The following DNAJC18 variants were observed in gnomAD, a reference collection of about 807,000 sequenced individuals.
DNAJC18 encodes dnaJ homolog subfamily C member 18.
DNAJC18 carries 40 observed loss-of-function variants against 48.6 expected under a neutral mutation model. The observed-to-expected ratio is 0.82, with a 90% CI of 0.64 to 1.07. The LOEUF is 1.07. DNAJC18 is among the 50% of genes least tolerant of loss of function. The probability of loss-of-function intolerance (pLI) is 0.00; values close to 1 mark genes in which losing one functional copy is unlikely to be tolerated. For synonymous variants in DNAJC18, 135 were observed against 152.2 expected, an observed-to-expected ratio of 0.89 and a Z score of 0.83; for missense variants, 340 against 427.7, an observed-to-expected ratio of 0.79 and a Z score of 1.81.
intron 2 of DNAJC18, among the ~76,000 whole-genome samples, chr5:139,435,705 G>GTTTTTTGTTTTTTTTTTTTTTT (rs1750628245): frequency 2.4e-5 from 1 of 41,194 alleles, no homozygotes; most frequent in Non-Finnish European, 3.8e-5. Context: ...TTCATTGGAA[G>GTTTTTTGTTTTTTTTTTTTTTT]TTTTTTTTTT....
At chr5:139,419,808 GAC>G (rs1434972485) in intron 7 of DNAJC18, among the ~76,000 whole-genome samples, 4 of 152,198 alleles carry the variant, frequency 2.6e-5, no homozygotes, top group Non-Finnish European at 4.4e-5. Flanking sequence ...CTCAAAGAGA[GAC>G]AGACATACAG....
At chr5:139,426,528 T>C (rs1417220965) in intron 3 of DNAJC18, among the ~76,000 whole-genome samples, 171 bp from the exon 4 acceptor site, 1 of 152,124 alleles carries the variant, frequency 6.6e-6, no homozygotes, top group African/African-American at 2.4e-5. Flanking sequence ...CCCTTCAGGT[T>C]TTCCCTGATC....
chr5:139,430,364 C>G lies in DNAJC18; in HGVS notation c.228-1681G>C, dbSNP rs78398534. ...AAGGGTCTTGGGGTTCCCCAACCAC[C>G]CTTTGAGAACTGCTGGATTAGAGAT... On this transcript the variant is annotated intron_variant, in intron 2 of 7. Transcript: ENST00000302060. Among the ~76,000 whole-genome samples the G allele has an allele frequency of 9.0e-3, 1,372 of 152,244 alleles. 47 individuals carry two copies. In the East Asian group the frequency reaches 0.1, roughly 12 times the overall value.
At chr5:139,433,302 G>T (rs1016548978) in intron 2 of DNAJC18, among the ~76,000 whole-genome samples, 1 of 152,150 alleles carries the variant, frequency 6.6e-6, no homozygotes, top group African/African-American at 2.4e-5. Context: ...AAATTAGCTG[G>T]GCATGATGGT....
At chr5:139,414,819 C>G (rs1340376175) in intron 7 of DNAJC18, among the ~76,000 whole-genome samples, 1 of 152,262 alleles carries the variant, frequency 6.6e-6, no homozygotes, top group Non-Finnish European at 1.5e-5. Flanking sequence ...ACTCAAAGGC[C>G]AAAGGCAGCT....
In DNAJC18 at chr5:139,411,064, T is replaced by A. The variant is rs987800570; in HGVS notation, c.*3084A>T. ...GATTACAGGCATGAGCTACTGGGCC[T>A]GGCCAGTTCACTGTATTTTCGAACA... is the stretch of plus-strand genomic sequence containing the variant. On this transcript the variant is annotated 3_prime_UTR_variant, in exon 8 of 8. Transcript: ENST00000302060. 1 of 152,242 alleles carries A rather than the reference T, an allele frequency of 6.6e-6. No individual in the cohort carries two copies. Among genetic ancestry groups the A allele is most frequent in the Admixed American group, 6.5e-5 (1 of 15,278 alleles). The allele number at this position is 152,242 out of a possible 1,614,324, so 9.4% of individuals were successfully genotyped here. A position where few individuals can be genotyped will look rare whatever the true frequency, so the allele number is the denominator to read the frequency against.
At chr5:139,419,542 G>A (rs974214585) in intron 7 of DNAJC18, among the ~76,000 whole-genome samples, 3 of 152,212 alleles carry the variant, frequency 2.0e-5, no homozygotes, top group Admixed American at 6.5e-5. Context: ...AGGCTGGCTC[G>A]ATCAGATTTC....
chr5:139,433,335 T>A (rs746107215), intron 2 of DNAJC18, among the ~76,000 whole-genome samples: 1 of 151,870 alleles, frequency 6.6e-6, no homozygotes, highest in Non-Finnish European at 1.5e-5. Context: ...TCCCAGCTAC[T>A]TGGGAGGCTG....
chr5:139,430,244 T>TCCA (rs1303169695), intron 2 of DNAJC18, among the ~76,000 whole-genome samples: 3 of 152,206 alleles, frequency 2.0e-5, no homozygotes, highest in African/African-American at 7.2e-5. Context: ...TCTCAAAAAC[T>TCCA]CCACTGTATA....
At chr5:139,434,779 G>A (rs565066437) in intron 2 of DNAJC18, among the ~76,000 whole-genome samples, 2 of 151,328 alleles carry the variant, frequency 1.3e-5, no homozygotes, top group Non-Finnish European at 2.9e-5. Context: ...TATTCATTAG[G>A]ATTTTCCATT....
chr5:139,435,126 C>A (rs889139461), intron 2 of DNAJC18, among the ~76,000 whole-genome samples: 1 of 151,940 alleles, frequency 6.6e-6, no homozygotes, highest in Non-Finnish European at 1.5e-5. Flanking sequence ...TTTGGGAGGC[C>A]GAGGCGGGCA....
chr5:139,437,721 A>G (rs570262781), intron 1 of DNAJC18, among the ~76,000 whole-genome samples, 163 bp from the exon 2 acceptor site: 78 of 152,300 alleles, frequency 5.1e-4, no homozygotes, highest in African/African-American at 1.7e-3. Context: ...ACAAAGCTGA[A>G]TAAACATGTT....
chr5:139,438,012 A>C (rs1750708971), intron 1 of DNAJC18, among the ~76,000 whole-genome samples: 2 of 152,190 alleles, frequency 1.3e-5, no homozygotes, highest in African/African-American at 4.8e-5. Context: ...ACAAATTCGT[A>C]AACTTTCTTA....
chr5:139,425,158 C>T (rs1418980997), intron 4 of DNAJC18, 44 bp from the exon 5 acceptor site: 1 of 1,532,440 alleles, frequency 6.5e-7, no homozygotes, highest in Non-Finnish European at 8.9e-7. Flanking sequence ...AACACTCCTT[C>T]CCTGCCTTTT....
At chr5:139,434,090 C>G (rs776438742) in intron 2 of DNAJC18, among the ~76,000 whole-genome samples, 1 of 152,110 alleles carries the variant, frequency 6.6e-6, no homozygotes, top group Non-Finnish European at 1.5e-5. Context: ...GGAGTTTTGC[C>G]GTGTTGCCCA....
intron 2 of DNAJC18, among the ~76,000 whole-genome samples, chr5:139,435,219 G>A (rs772743364): frequency 2.6e-4 from 40 of 152,228 alleles, no homozygotes; most frequent in Admixed American, 8.5e-4. Flanking sequence ...TAGGCATGGT[G>A]GTGCGCGTCT....
At chr5:139,420,938 T>G (rs1759142569) in intron 6 of DNAJC18, among the ~76,000 whole-genome samples, 1 of 152,176 alleles carries the variant, frequency 6.6e-6, no homozygotes. Context: ...GGGGCTATAT[T>G]TTATTTGGCC....
intron 5 of DNAJC18, 37 bp from the exon 6 acceptor site, chr5:139,422,854 G>GT: frequency 2.1e-6 from 3 of 1,455,316 alleles, no homozygotes; most frequent in South Asian, 2.5e-5. Flanking sequence ...TGCTGTAAGT[G>GT]TTCTTTTTTT....
At chr5:139,434,007 T>C (rs1759371248) in intron 2 of DNAJC18, among the ~76,000 whole-genome samples, 1 of 152,130 alleles carries the variant, frequency 6.6e-6, no homozygotes, top group South Asian at 2.1e-4. Flanking sequence ...TTCTCCCGCC[T>C]CAGCCTCCCA....
Sources: allele counts gnomAD v4.1 joint callset (sites outside exome capture counted in the v4.1 genomes callset), GRCh38; gene constraint gnomAD v4.1.1; transcripts MANE v1.5; gene names NCBI Gene and HGNC (gene_info 2026-07-23, HGNC 2026-07-21).